Variants in APP observed in about 807,000 individuals in gnomAD.
APP encodes the protein amyloid-beta precursor protein.
Under a neutral mutation model 101.4 loss-of-function variants are expected in APP, and 31 were observed. The observed-to-expected ratio is 0.31, with a 90% CI of 0.23 to 0.41. The LOEUF (loss-of-function observed/expected upper bound fraction) is 0.41. Ranked by LOEUF, APP falls within the 10% of genes least tolerant of loss-of-function variation. The pLI is 1.00. For missense variants in APP, 839 were observed against 1,003.7 expected (o/e 0.84, Z 2.22); for synonymous variants, 366 against 364.4 (o/e 1.00, Z -0.05).
intron 1 of APP, among the ~76,000 whole-genome samples, chr21:26,160,112 C>T (rs1025624225): frequency 1.3e-5 from 2 of 152,190 alleles, no homozygotes; most frequent in Non-Finnish European, 2.9e-5. Context: ...CAGCCAAATA[C>T]TCACATGGCT....
chr21:26,042,891 G>A (rs1389937707), intron 5 of APP, among the ~76,000 whole-genome samples: 1 of 151,624 alleles, frequency 6.6e-6, no homozygotes, highest in Non-Finnish European at 1.5e-5. Flanking sequence ...ACTCCAGCAT[G>A]TGTGACAGCA....
chr21:26,128,185 G>A (rs1226992373), intron 1 of APP, among the ~76,000 whole-genome samples: 5 of 152,154 alleles, frequency 3.3e-5, no homozygotes, highest in Admixed American at 3.3e-4. Flanking sequence ...CACGTGTGTC[G>A]TCAACCCCAG....
At chr21:25,954,901 AT>A (rs2041248015) in intron 12 of APP, among the ~76,000 whole-genome samples, 1 of 148,868 alleles carries the variant, frequency 6.7e-6, no homozygotes, top group Non-Finnish European at 1.5e-5. Flanking sequence ...GGGCAACTTT[AT>A]TTTTCTTGTT....
At chr21:26,053,113 C>T in intron 4 of APP, 123 bp downstream of exon 4, 1 of 815,826 alleles carries the variant, frequency 1.2e-6, no homozygotes, top group African/African-American at 1.7e-5. Context: ...GATAGTAGCA[C>T]TGGGTTTTTT....
intron 3 of APP, among the ~76,000 whole-genome samples, chr21:26,079,868 A>G (rs1285582014): frequency 1.3e-5 from 2 of 152,234 alleles, no homozygotes; most frequent in African/African-American, 4.8e-5. Context: ...TCACGCCTGT[A>G]ATCCCAGCAT....
intron 6 of APP, among the ~76,000 whole-genome samples, chr21:26,011,386 A>G (rs1413178705): frequency 6.6e-6 from 1 of 152,082 alleles, no homozygotes; most frequent in Non-Finnish European, 1.5e-5. Context: ...TTCTGTTCAC[A>G]TATCTAAAGC....
intron 13 of APP, among the ~76,000 whole-genome samples, chr21:25,913,588 T>C (rs2039189339): frequency 6.6e-6 from 1 of 152,222 alleles, no homozygotes; most frequent in Admixed American, 6.5e-5. Flanking sequence ...GGAATACTAA[T>C]AATTATTGGT....
intron 13 of APP, among the ~76,000 whole-genome samples, chr21:25,937,058 GCTTTT>G (rs1176564706): frequency 1.1e-3 from 162 of 152,092 alleles, no homozygotes; most frequent in East Asian, 5.8e-4. Context: ...TAAAGAAAAA[GCTTTT>G]CTTTTTCTTT....
At chr21:26,062,230 A>AACACACACACACAC (rs55971567) in intron 3 of APP, among the ~76,000 whole-genome samples, 4 of 145,034 alleles carry the variant, frequency 2.8e-5, no homozygotes, top group Admixed American at 6.9e-5. Context: ...CAAACAAACA[A>AACACACACACACAC]ACACACACAC....
In APP at chr21:25,891,764, C is replaced by T; in HGVS notation, c.2169G>A (p.Leu723=). The change falls in exon 17 of 18, where the codon CTG becomes CTA. Residue 723 remains leucine (L), a synonymous_variant. Transcript: ENST00000346798. ...GAATGGATGTGTACTGTTTCTTCTT[C>T]AGCATCACCAAGGTGATGACGATCA... ...ATVIVITLVM[L]KKKQYTSIHH... 1 of 1,614,138 alleles carries T rather than the reference C, an allele frequency of 6.2e-7. No individual in the cohort carries two copies. Among genetic ancestry groups the T allele is most frequent in the South Asian group, 1.1e-5 (1 of 91,086 alleles).
chr21:26,115,325 T>TC (rs11330850), intron 1 of APP, among the ~76,000 whole-genome samples: 4 of 151,822 alleles, frequency 2.6e-5, no homozygotes, highest in African/African-American at 9.7e-5. Context: ...TAAAATTTTT[T>TC]CCCCCCGAAC....
chr21:26,159,993 C>T (rs1454576563), intron 1 of APP, among the ~76,000 whole-genome samples: 2 of 152,178 alleles, frequency 1.3e-5, no homozygotes, highest in Non-Finnish European at 2.9e-5. Flanking sequence ...CTCTCTGCCA[C>T]CACAACATTC....
intron 2 of APP, among the ~76,000 whole-genome samples, chr21:26,099,264 A>C (rs1290239097): frequency 2.6e-5 from 4 of 152,130 alleles, no homozygotes; most frequent in Non-Finnish European, 5.9e-5. Context: ...GCTCTATACC[A>C]AATTGTTTCA....
intron 1 of APP, among the ~76,000 whole-genome samples, chr21:26,121,198 G>A (rs2062560454): frequency 6.6e-6 from 1 of 152,150 alleles, no homozygotes. Flanking sequence ...CATAGACCTA[G>A]CCAAATATGT....
rs113182862 is a variant in APP at position 25,943,813 on chromosome 21, G to C, written c.1687+10777C>G. Among the ~76,000 whole-genome samples, 1,011 of 152,324 alleles carry C rather than the reference G, an allele frequency of 6.6e-3. 10 individuals carry two copies. The highest frequency in any genetic ancestry group is 0.023 in the African/African-American group (958 of 41,568). ...GACTGAGAACTAAGCCATATACCTA[G>C]TGATATCTCAGTGGTGATGATAAAG... On this transcript the variant is annotated intron_variant, in intron 13 of 17. Coordinates refer to ENST00000346798, the MANE Select transcript of APP (RefSeq NM_000484.4).
chr21:25,918,552 G>A (rs1233631814), intron 13 of APP, among the ~76,000 whole-genome samples: 1 of 152,058 alleles, frequency 6.6e-6, no homozygotes, highest in African/African-American at 2.4e-5. Flanking sequence ...AGCAGGGCGA[G>A]GCATTGCCTC....
intron 6 of APP, among the ~76,000 whole-genome samples, chr21:26,004,872 A>G (rs570399662): frequency 7.6e-6 from 1 of 130,810 alleles, no homozygotes; most frequent in East Asian, 2.2e-4. Context: ...CTCATTGTTC[A>G]ATTTCCACCT....
chr21:26,075,944 C>T (rs528073951), intron 3 of APP, among the ~76,000 whole-genome samples: 2 of 152,136 alleles, frequency 1.3e-5, no homozygotes, highest in East Asian at 1.9e-4. Flanking sequence ...TCCAGGCTGG[C>T]GTGCAGTGGC....
In APP at chr21:25,975,190, T is replaced by A; in HGVS notation, c.1338A>T (p.Ala446=). The A allele has an allele frequency of 6.2e-7, 1 of 1,614,220 alleles. No individual in the cohort carries two copies. Among genetic ancestry groups the A allele is most frequent in the Non-Finnish European group, 8.5e-7 (1 of 1,180,034 alleles). Reference sequence around the variant, plus strand: ...CCACCAGCTGCTGTCTCTCGTTGGCTGCTTCCTGTTCCAAAGATTCCACTT... The same window carrying A: ...CCACCAGCTGCTGTCTCTCGTTGGCAGCTTCCTGTTCCAAAGATTCCACTT... ...QEKVESLEQE[A]ANERQQLVET... Residue 446 remains alanine, a synonymous_variant, in exon 11 of 18, where the codon GCA becomes GCT. Transcript: ENST00000346798.
Sources: allele counts gnomAD v4.1 joint callset (sites outside exome capture counted in the v4.1 genomes callset), GRCh38; gene constraint gnomAD v4.1.1; transcripts MANE v1.5; gene names NCBI Gene and HGNC (gene_info 2026-07-23, HGNC 2026-07-21).